The following COL22A1 variants were observed in gnomAD, a reference collection of about 807,000 sequenced individuals.
The protein encoded by COL22A1 is collagen type XXII alpha 1 chain, also known as collagen alpha-1(XXII) chain.
In COL22A1, 221 loss-of-function variants were observed where a neutral mutation model predicts 248.9. The observed-to-expected ratio is 0.89, with a 90% CI of 0.80 to 0.99. The LOEUF (loss-of-function observed/expected upper bound fraction) is 0.99, where lower values mean the gene tolerates loss of function less well. COL22A1 is among the 50% of genes least tolerant of loss of function. The pLI is 0.00. For synonymous variants in COL22A1, 891 were observed against 793.4 expected, an observed-to-expected ratio of 1.12 and a Z score of -2.07; for missense variants, 2,240 against 2,179.0, an observed-to-expected ratio of 1.03 and a Z score of -0.56.
Position 138,625,553 on chromosome 8 carries a change from C to A in COL22A1, c.3717+637G>T, listed in dbSNP as rs560097525. On this transcript the variant is annotated intron_variant, in intron 51 of 64. Coordinates refer to ENST00000303045, the MANE Select transcript of COL22A1 (RefSeq NM_152888.3). ...TATTAAATGGAAAAGTTCAGGACAA[C>A]ATCTTTGGAAAGCAATTTTGCAGTA... 2.6e-5 allele frequency among the ~76,000 whole-genome samples: 4 copies of A among 152,332 alleles called. No individual in the cohort carries two copies. The East Asian group carries it at 7.7e-4, about 29-fold the overall frequency.
In COL22A1 at chr8:138,608,935, T is replaced by C. The variant is rs1418844747; in HGVS notation, c.3979-946A>G. ...AGAGAGCCTCCTTGTGTGTCTCCAA[T>C]GCAGTGCCAGACACACAGGAGGTTT... On this transcript the variant is annotated intron_variant, in intron 56 of 64. Transcript: ENST00000303045. 2.6e-5 allele frequency among the ~76,000 whole-genome samples: 4 copies of C among 152,316 alleles called. No homozygotes were observed. In the East Asian group the frequency reaches 5.8e-4, roughly 22 times the overall value.
intron 16 of COL22A1, among the ~76,000 whole-genome samples, chr8:138,774,032 A>T (rs965982182): frequency 4.6e-5 from 7 of 152,104 alleles, no homozygotes; most frequent in Admixed American, 2.6e-4. Flanking sequence ...GTTACTCCAA[A>T]TGCCACTTTT....
In COL22A1 at chr8:138,878,235, C is replaced by T. The variant is rs149836216; in HGVS notation, c.173G>A (p.Arg58Gln). ...SVGKEDFEKV[R>Q]QWVANLVDTF... ...GTCCACCAGGTTGGCCACCCACTGC[C>T]GGACCTTCTCAAAGTCCTCCTTGCC... Residue 58 changes from arginine to glutamine, a missense_variant, in exon 3 of 65, where the codon CGG (arginine) becomes CAG (glutamine). Arg to Gln is a conservative substitution (Grantham distance 43). Transcript: ENST00000303045. 457 of 1,592,184 alleles carry T rather than the reference C, an allele frequency of 2.9e-4. No individual in the cohort carries two copies. The highest frequency in any genetic ancestry group is 3.7e-4 in the Non-Finnish European group (431 of 1,169,278).
At chr8:138,636,888 A>T (rs1821228051) in intron 47 of COL22A1, 93 bp from the exon 48 acceptor site, 1 of 1,072,570 alleles carries the variant, frequency 9.3e-7, no homozygotes, top group African/African-American at 1.6e-5. Flanking sequence ...CCATTCATTA[A>T]TTCTCCAAAA....
chr8:138,659,794 C>A (rs1169308972), intron 44 of COL22A1, among the ~76,000 whole-genome samples: 2 of 152,200 alleles, frequency 1.3e-5, no homozygotes. Context: ...TGCCAAGGAA[C>A]CAACACTCAG....
intron 16 of COL22A1, among the ~76,000 whole-genome samples, chr8:138,775,538 C>T (rs1319654087): frequency 6.6e-6 from 1 of 152,172 alleles, no homozygotes; most frequent in Non-Finnish European, 1.5e-5. Flanking sequence ...CCACTCTTGT[C>T]ACCACTCATT....
intron 24 of COL22A1, 43 bp downstream of exon 24, chr8:138,725,344 C>A (rs1830216369): frequency 6.2e-7 from 1 of 1,601,658 alleles, no homozygotes; most frequent in South Asian, 1.1e-5. Flanking sequence ...GGCCAGGAAA[C>A]CACCATCTAA....
intron 47 of COL22A1, 61 bp downstream of exon 47, chr8:138,646,568 G>T: frequency 7.7e-7 from 1 of 1,298,682 alleles, no homozygotes; most frequent in South Asian, 1.5e-5. Context: ...TCCTTAAATT[G>T]AGATTAACCA....
chr8:138,876,385 C>T (rs561708697), intron 3 of COL22A1, among the ~76,000 whole-genome samples: 12 of 152,188 alleles, frequency 7.9e-5, no homozygotes, highest in African/African-American at 2.7e-4. Context: ...CTAAAGTTTA[C>T]CTGCCCGGTA....
chr8:138,700,988 CAAA>C (rs5895554), intron 31 of COL22A1, among the ~76,000 whole-genome samples: 5 of 54,704 alleles, frequency 9.1e-5, no homozygotes, highest in African/African-American at 2.4e-4. Flanking sequence ...GACTCCGTCT[CAAA>C]AAAAAAAAAA....
chr8:138,684,522 C>T, intron 38 of COL22A1, 53 bp from the exon 39 acceptor site: 1 of 1,314,716 alleles, frequency 7.6e-7, no homozygotes. Context: ...TGAACACTGA[C>T]CCATCCACCA....
intron 45 of COL22A1, among the ~76,000 whole-genome samples, chr8:138,652,559 C>T (rs1372283521): frequency 6.6e-6 from 1 of 152,022 alleles, no homozygotes; most frequent in Non-Finnish European, 1.5e-5. Flanking sequence ...TCTATTTCCT[C>T]ACCTGTAAAA....
chr8:138,746,586 C>T (rs1052932934), intron 22 of COL22A1, among the ~76,000 whole-genome samples: 6 of 152,162 alleles, frequency 3.9e-5, no homozygotes, highest in African/African-American at 1.4e-4. Context: ...GACTGAAAGG[C>T]CATGGGGCCC....
intron 10 of COL22A1, among the ~76,000 whole-genome samples, chr8:138,804,901 G>A (rs907655665): frequency 6.6e-6 from 1 of 150,428 alleles, no homozygotes; most frequent in Non-Finnish European, 1.5e-5. Context: ...GCTGTGTGTG[G>A]TGGGTGTGTG....
intron 3 of COL22A1, among the ~76,000 whole-genome samples, chr8:138,849,350 A>C (rs960527239): frequency 3.3e-5 from 5 of 152,250 alleles, no homozygotes; most frequent in African/African-American, 1.2e-4. Context: ...TGTTGAATAC[A>C]TTAACACATT....
intron 50 of COL22A1, among the ~76,000 whole-genome samples, 155 bp from the exon 51 acceptor site, chr8:138,626,398 G>A (rs1820241647): frequency 6.6e-6 from 1 of 152,210 alleles, no homozygotes. Context: ...TTTCTGAGCT[G>A]TTTCCCCCAA....
intron 62 of COL22A1, among the ~76,000 whole-genome samples, chr8:138,596,343 T>C (rs1418414403): frequency 6.6e-6 from 1 of 152,204 alleles, no homozygotes; most frequent in African/African-American, 2.4e-5. Flanking sequence ...TGTTGCTCCA[T>C]AGACCTGGGG....
At chr8:138,867,822 A>G (rs1318708209) in intron 3 of COL22A1, among the ~76,000 whole-genome samples, 4 of 152,236 alleles carry the variant, frequency 2.6e-5, no homozygotes, top group African/African-American at 9.6e-5. Context: ...ACTGGAGTTC[A>G]GTGGCACGAT....
chr8:138,681,339 T>C (rs767353074), intron 39 of COL22A1, among the ~76,000 whole-genome samples: 93 of 152,094 alleles, frequency 6.1e-4, no homozygotes, highest in East Asian at 7.8e-4. Flanking sequence ...AGCCTACCCA[T>C]CAGTGGATCT....
Sources: allele counts gnomAD v4.1 joint callset (sites outside exome capture counted in the v4.1 genomes callset), GRCh38; gene constraint gnomAD v4.1.1; transcripts MANE v1.5; gene names NCBI Gene and HGNC (gene_info 2026-07-23, HGNC 2026-07-21).